RPL22: variants seen among roughly 807,000 people sequenced by gnomAD.
The protein encoded by RPL22 is large ribosomal subunit protein eL22.
RPL22 carries 4 observed loss-of-function variants against 16.2 expected under a neutral mutation model. That is an observed-to-expected ratio of 0.25 (90% CI 0.12 to 0.57). RPL22 has a LOEUF of 0.57. Ranked by LOEUF, RPL22 falls within the 20% of genes least tolerant of loss-of-function variation. RPL22 has a pLI of 0.92. For missense variants in RPL22, 83 were observed against 156.1 expected (o/e 0.53, Z 2.49); for synonymous variants, 43 against 54.8 (o/e 0.78, Z 0.95).
intron 3 of RPL22, among the ~76,000 whole-genome samples, chr1:6,191,202 CAAAA>C (rs1286259250): frequency 6.9e-6 from 1 of 145,744 alleles, no homozygotes; most frequent in African/African-American, 2.5e-5. Context: ...TACTAAAAAA[CAAAA>C]AAAATTAGCC....
intron 2 of RPL22, among the ~76,000 whole-genome samples, chr1:6,195,426 CAA>C (rs1430201271): frequency 7.1e-4 from 85 of 119,280 alleles, no homozygotes; most frequent in East Asian, 2.9e-3. Flanking sequence ...GCCTGGGTGA[CAA>C]AGAGCAAGAC....
rs1030116807 is a variant in RPL22, at chr1:6,195,879, A to G, written c.117+1773T>C. Among the ~76,000 whole-genome samples the G allele has an allele frequency of 7.2e-5, 11 of 151,996 alleles. No homozygotes were observed. The South Asian group carries it at 2.3e-3, about 32-fold the overall frequency. On this transcript the variant is annotated intron_variant, in intron 2 of 3. Coordinates refer to ENST00000234875, the MANE Select transcript of RPL22 (RefSeq NM_000983.4). The stretch of plus-strand genomic sequence containing the variant: ...GGGGTTCGAGACCAGCCTGACCAAC[A>G]TGGAGGAACCCCATCTCTACTAATA...
intron 3 of RPL22, 65 bp from the exon 4 acceptor site, chr1:6,186,881 A>G (rs1667587818): frequency 6.3e-6 from 10 of 1,593,458 alleles, no homozygotes; most frequent in African/African-American, 4.1e-5. Context: ...ACATTTTAAC[A>G]TTTATAAAAC....
chr1:6,197,578 T>C, intron 2 of RPL22, 74 bp downstream of exon 2: 1 of 944,406 alleles, frequency 1.1e-6, no homozygotes, highest in East Asian at 2.5e-5. Flanking sequence ...AACAGAAATG[T>C]ACCCCAGTAG....
chr1:6,190,002 G>A (rs1667630119), intron 3 of RPL22, among the ~76,000 whole-genome samples: 1 of 152,154 alleles, frequency 6.6e-6, no homozygotes, highest in Non-Finnish European at 1.5e-5. Context: ...AACCTTTCAG[G>A]AAAATTAACT....
chr1:6,197,967 G>A lies in RPL22; in HGVS notation c.13-211C>T, dbSNP rs1480865177. On this transcript the variant is annotated intron_variant, in intron 1 of 3. Transcript: ENST00000234875. ...GCTGCTGTACAAGCTTGGGGCCTGG[G>A]GTCATGCCCTTTTGATGGGGAAATC... 5 of 582,304 alleles carry A rather than the reference G, an allele frequency of 8.6e-6. 1 individual carries two copies. The highest frequency in any genetic ancestry group is 1.5e-5 in the Non-Finnish European group (5 of 327,860). 36.1% of individuals were successfully genotyped at this position (582,304 alleles called of 1,614,324 possible).
chr1:6,191,873 C>G (rs1481620322), intron 3 of RPL22, among the ~76,000 whole-genome samples: 2 of 151,670 alleles, frequency 1.3e-5, no homozygotes, highest in Non-Finnish European at 2.9e-5. Context: ...GTGGCACATG[C>G]CTGCAATTCC....
chr1:6,193,559 G>A (rs1257615836), intron 2 of RPL22, among the ~76,000 whole-genome samples: 1 of 152,032 alleles, frequency 6.6e-6, no homozygotes, highest in Non-Finnish European at 1.5e-5. Flanking sequence ...CCGACTTCAG[G>A]TGATTCGTCC....
intron 1 of RPL22, chr1:6,199,307 C>G (rs924534147): frequency 4.9e-6 from 5 of 1,011,838 alleles, no homozygotes; most frequent in African/African-American, 3.4e-5. Flanking sequence ...CAGGCTCCAG[C>G]TCCCCGCTAG....
At chr1:6,190,938 C>T (rs1667641317) in intron 3 of RPL22, among the ~76,000 whole-genome samples, 1 of 152,162 alleles carries the variant, frequency 6.6e-6, no homozygotes, top group African/African-American at 2.4e-5. Context: ...AAGGAAAGCT[C>T]TTGGTCAGAC....
chr1:6,197,862 A>G (rs946959475), intron 1 of RPL22, 106 bp from the exon 2 acceptor site: 1 of 836,500 alleles, frequency 1.2e-6, no homozygotes, highest in South Asian at 1.5e-5. Flanking sequence ...TACAAATACA[A>G]AACTAACGGA....
At chr1:6,196,000 T>C (rs1200090786) in intron 2 of RPL22, among the ~76,000 whole-genome samples, 1 of 151,866 alleles carries the variant, frequency 6.6e-6, no homozygotes, top group Non-Finnish European at 1.5e-5. Context: ...GAAACGGAGA[T>C]TGTGGTGAGC....
Position 6,192,763 on chromosome 1 carries a change from T to C in RPL22, c.242+167A>G, listed in dbSNP as rs533441686. On this transcript the variant is annotated intron_variant, in intron 3 of 3. Coordinates refer to ENST00000234875, the MANE Select transcript of RPL22 (RefSeq NM_000983.4). ...TTTAAAACCACCAAAAGTTGACTAT[T>C]GTTAACAACCATAATAGCATTCATC... Among the ~76,000 whole-genome samples, 457 of 152,354 alleles carry C rather than the reference T, an allele frequency of 3.0e-3. 1 individual carries two copies. Among genetic ancestry groups the C allele is most frequent in the African/African-American group, 0.011 (438 of 41,586 alleles).
At chr1:6,197,837 A>C in intron 1 of RPL22, 81 bp from the exon 2 acceptor site, 1 of 1,001,084 alleles carries the variant, frequency 1.0e-6, no homozygotes, top group South Asian at 1.3e-5. Flanking sequence ...GAAACGTCAT[A>C]GGTATAAAAG....
chr1:6,191,998 C>CA (rs548085787), intron 3 of RPL22, among the ~76,000 whole-genome samples: 2,574 of 66,998 alleles, frequency 0.038, 61 homozygotes, highest in African/African-American at 0.11. Context: ...GACTCGGTTT[C>CA]AAAAAAAAAA....
In RPL22 at chr1:6,197,708, A is replaced by C; in HGVS notation, c.61T>G (p.Phe21Val). Residue 21 changes from phenylalanine to valine, a missense_variant, in exon 2 of 4, where the codon TTC (phenylalanine) becomes GTC (valine). Phe to Val is a conservative substitution (Grantham distance 50, BLOSUM62 -1). Coordinates refer to ENST00000234875, the MANE Select transcript of RPL22 (RefSeq NM_000983.4). ...GGKKKKQVLK[F>V]TLDCTHPVED... The stretch of plus-strand genomic sequence containing the variant: ...ACAGGGTGGGTGCAATCAAGAGTGA[A>C]CTTCAGAACTTGCTTCTTTTTTTTG... 1 of 1,614,060 alleles carries C rather than the reference A, an allele frequency of 6.2e-7. No individual in the cohort carries two copies. The highest frequency in any genetic ancestry group is 1.1e-5 in the South Asian group (1 of 91,080).
chr1:6,191,359 CAAAAAAAAAA>C (rs769446432), intron 3 of RPL22, among the ~76,000 whole-genome samples: 4 of 32,416 alleles, frequency 1.2e-4, no homozygotes, highest in East Asian at 1.1e-3. Flanking sequence ...GACTCCGTCT[CAAAAAAAAAA>C]AAAAAAAAAA....
At chr1:6,190,402 CAG>C (rs1667635407) in intron 3 of RPL22, among the ~76,000 whole-genome samples, 1 of 152,058 alleles carries the variant, frequency 6.6e-6, no homozygotes. Flanking sequence ...TTTTTTGAGA[CAG>C]AGTTTCGCTC....
rs75289866 is a variant in RPL22 at position 6,196,927 on chromosome 1, G to A, written c.117+725C>T. 5.8e-3 allele frequency among the ~76,000 whole-genome samples: 884 copies of A among 152,358 alleles called. 7 individuals carry two copies. Among genetic ancestry groups the A allele is most frequent in the African/African-American group, 0.02 (844 of 41,584 alleles). ...TCAAAGCAGTGAGACCCAGGACAGA[G>A]GCAGCCCATAGTCAGGATCAGGGTC... On this transcript the variant is annotated intron_variant, in intron 2 of 3. Coordinates refer to ENST00000234875, the MANE Select transcript of RPL22 (RefSeq NM_000983.4).
Sources: gnomAD v4.1 joint callset for allele counts (sites outside exome capture counted in the v4.1 genomes callset) on GRCh38, gnomAD v4.1.1 for gene constraint, MANE v1.5 for transcripts, NCBI Gene and HGNC (gene_info 2026-07-23, HGNC 2026-07-21) for gene names.